Variants in KIF14 observed in about 807,000 individuals in gnomAD.
The protein encoded by KIF14 is kinesin-like protein KIF14.
In KIF14, 98 loss-of-function variants were observed where a neutral mutation model predicts 176.2. The observed-to-expected ratio is 0.56, with a 90% CI of 0.47 to 0.66. The LOEUF (loss-of-function observed/expected upper bound fraction) is 0.66. Among genes scored for constraint, KIF14 ranks in the 30% least tolerant of loss-of-function variants. The probability of loss-of-function intolerance (pLI) is 0.00; values close to 1 mark genes in which losing one functional copy is unlikely to be tolerated. For missense variants in KIF14, 1,751 were observed against 1,920.4 expected (o/e 0.91, Z 1.65); for synonymous variants, 566 against 632.2 (o/e 0.90, Z 1.57).
chr1:200,604,909 T>G (rs899975652), intron 8 of KIF14, among the ~76,000 whole-genome samples: 1 of 152,128 alleles, frequency 6.6e-6, no homozygotes, highest in African/African-American at 2.4e-5. Context: ...CTATCATATA[T>G]TGATATGATC....
At chr1:200,606,830 G>C (rs1279575710) in intron 5 of KIF14, 32 bp from the exon 6 acceptor site, 3 of 1,526,882 alleles carry the variant, frequency 2.0e-6, no homozygotes, top group Admixed American at 1.7e-5. Context: ...ATCATTAGGA[G>C]TATGACAAAT....
intron 26 of KIF14, among the ~76,000 whole-genome samples, chr1:200,560,251 A>T (rs1657061297): frequency 6.8e-6 from 1 of 147,606 alleles, no homozygotes; most frequent in Admixed American, 7.0e-5. Flanking sequence ...CAATATATTT[A>T]AAAGTTTTTT....
Position 200,590,219 on chromosome 1 carries a change from T to A in KIF14, c.2867A>T (p.Gln956Leu), listed in dbSNP as rs757399966. The change falls in exon 17 of 30, where the codon CAA (glutamine) becomes CTA (leucine). Residue 956 changes from glutamine to leucine, a missense_variant. Transcript: ENST00000367350. ...CATTTCTTTTGCAATCTGGATTCCT[T>A]GCATCATTTCTTCCTTTGCCTTCAA... ...AQLKAKEEMM[Q>L]GIQIAKEMAQ... 2 of 1,613,988 alleles carry A rather than the reference T, an allele frequency of 1.2e-6. No individual in the cohort carries two copies. Among genetic ancestry groups the A allele is most frequent in the South Asian group, 2.2e-5 (2 of 91,078 alleles).
intron 16 of KIF14, among the ~76,000 whole-genome samples, chr1:200,591,871 T>C (rs1659071100): frequency 6.6e-6 from 1 of 152,204 alleles, no homozygotes; most frequent in Non-Finnish European, 1.5e-5. Context: ...CAATCCTTAT[T>C]CTTTATATCT....
chr1:200,615,419 C>T lies in KIF14; in HGVS notation c.1303G>A (p.Ala435Thr). The change falls in exon 3 of 30, where the codon GCC (alanine) becomes ACC (threonine). Residue 435 changes from alanine to threonine, a missense_variant. By Grantham distance (58) the Ala-to-Thr change is moderately conservative. Coordinates refer to ENST00000367350, the MANE Select transcript of KIF14 (RefSeq NM_014875.3). The stretch of plus-strand genomic sequence containing the variant: ...AGACAGGTATTGAAGCCTTCGAAGG[C>T]TCTTTCTAGGAGTGGTGCTGCTAGC... Reference protein sequence around the residue: ...EKLAAPLLERAFEGFNTCLFA... With the variant: ...EKLAAPLLERTFEGFNTCLFA... 2 of 1,614,130 alleles carry T rather than the reference C, an allele frequency of 1.2e-6. No individual in the cohort carries two copies. The highest frequency in any genetic ancestry group is 1.7e-6 in the Non-Finnish European group (2 of 1,179,974).
chr1:200,574,861 C>A (rs982032690), intron 22 of KIF14, among the ~76,000 whole-genome samples: 17 of 151,266 alleles, frequency 1.1e-4, no homozygotes, highest in African/African-American at 3.6e-4. Context: ...GGAGTTCATA[C>A]TAGCTTTACT....
intron 15 of KIF14, among the ~76,000 whole-genome samples, chr1:200,592,461 G>A (rs557181064): frequency 2.0e-5 from 3 of 151,854 alleles, no homozygotes; most frequent in East Asian, 3.9e-4. Flanking sequence ...CTGCAACCTC[G>A]GCCTCACGGG....
In KIF14 at chr1:200,552,899, T is replaced by C. The variant is rs1386228043; in HGVS notation, c.*489A>G. 6 of 135,812 alleles carry C rather than the reference T, an allele frequency of 4.4e-5. No individual in the cohort carries two copies. In the East Asian group the frequency reaches 1.4e-3, roughly 32 times the overall value. The allele number at this position is 135,812 out of a possible 1,614,324, so 8.4% of individuals were successfully genotyped here. A position where few individuals can be genotyped will look rare whatever the true frequency, so the allele number is the denominator to read the frequency against. The stretch of plus-strand genomic sequence containing the variant: ...GACAGTATACCAATGTTAAACACTT[T>C]AAAGATAAAAATATATTTTATTTAT... On this transcript the variant is annotated 3_prime_UTR_variant, in exon 30 of 30. Transcript: ENST00000367350.
intron 21 of KIF14, among the ~76,000 whole-genome samples, chr1:200,578,671 C>A (rs1223370983): frequency 6.6e-6 from 1 of 150,550 alleles, no homozygotes; most frequent in Non-Finnish European, 1.5e-5. Context: ...ATTAAAAATG[C>A]CTGTATAACA....
intron 20 of KIF14, among the ~76,000 whole-genome samples, chr1:200,580,592 A>C (rs990312394): frequency 6.6e-6 from 1 of 152,078 alleles, no homozygotes; most frequent in Non-Finnish European, 1.5e-5. Context: ...ATTTCTAATA[A>C]GGTATGTTCC....
chr1:200,572,843 T>G (rs2102620742), intron 22 of KIF14, among the ~76,000 whole-genome samples: 1 of 152,288 alleles, frequency 6.6e-6, no homozygotes, highest in South Asian at 2.1e-4. Context: ...GGCTTAAATA[T>G]CTCAAGCTCT....
intron 22 of KIF14, among the ~76,000 whole-genome samples, chr1:200,571,181 G>A (rs1262290050): frequency 6.6e-6 from 1 of 152,124 alleles, no homozygotes; most frequent in South Asian, 2.1e-4. Flanking sequence ...CGGGCGTGGT[G>A]GCAGCTGTCT....
At chr1:200,588,475 G>A (rs888356024) in intron 18 of KIF14, among the ~76,000 whole-genome samples, 1 of 151,992 alleles carries the variant, frequency 6.6e-6, no homozygotes, top group African/African-American at 2.4e-5. Flanking sequence ...TCTTAACGTC[G>A]TAATCCACCC....
At chr1:200,609,063 C>G in intron 4 of KIF14, 135 bp from the exon 5 acceptor site, 1 of 480,210 alleles carries the variant, frequency 2.1e-6, no homozygotes, top group Non-Finnish European at 3.7e-6. Flanking sequence ...ACAAACAGCC[C>G]AATTTTAAAA....
In KIF14 at chr1:200,617,790, G is replaced by A; in HGVS notation, c.934C>T (p.Gln312Ter). 6.2e-7 allele frequency: 1 copy of A among 1,614,136 alleles called. No homozygotes were observed. Among genetic ancestry groups the A allele is most frequent in the Non-Finnish European group, 8.5e-7 (1 of 1,180,014 alleles). Residue 312 changes from glutamine to a stop codon, truncating the protein, a stop_gained, in exon 2 of 30, where the codon CAA (glutamine) becomes TAA (stop). Coordinates refer to ENST00000367350, the MANE Select transcript of KIF14 (RefSeq NM_014875.3). LOFTEE classifies it high-confidence loss of function. Reference sequence around the variant, plus strand: ...GAACTTTTTGGTCTTTGTTTAACTTGAAGGTTAGACATTCTATTCTTCAGT... The same window carrying A: ...GAACTTTTTGGTCTTTGTTTAACTTAAAGGTTAGACATTCTATTCTTCAGT... The part of the protein sequence containing the change: ...SILKNRMSNL[Q>*]VKQRPKSSFL...
chr1:200,607,064 C>T (rs1659917634), intron 5 of KIF14, among the ~76,000 whole-genome samples: 1 of 151,034 alleles, frequency 6.6e-6, no homozygotes, highest in Non-Finnish European at 1.5e-5. Context: ...TCTTAAAAAA[C>T]TGCTATTAGA....
intron 4 of KIF14, among the ~76,000 whole-genome samples, chr1:200,613,816 G>A (rs756485658): frequency 1.3e-5 from 2 of 152,170 alleles, no homozygotes; most frequent in Non-Finnish European, 2.9e-5. Context: ...AGAATGCTCA[G>A]TAAAAGGTAG....
chr1:200,581,233 G>A lies in KIF14; in HGVS notation c.3303C>T (p.Ser1101=). 1 of 1,603,776 alleles carries A rather than the reference G, an allele frequency of 6.2e-7. No individual in the cohort carries two copies. Among genetic ancestry groups the A allele is most frequent in the African/African-American group, 1.4e-5 (1 of 73,976 alleles). Residue 1101 remains serine, a synonymous_variant, in exon 20 of 30, where the codon AGC becomes AGT. Transcript: ENST00000367350. ...SMMIQEANAI[S]SKLKTYYVFG... is the part of the protein sequence containing the mutation. ...AAACATAGTATGTTTTCAATTTGCT[G>A]CTGATAGCATTGGCTTCCTGAATCA...
At chr1:200,585,979 TCAA>T (rs1236526256) in intron 19 of KIF14, 119 bp downstream of exon 19, 2 of 628,822 alleles carry the variant, frequency 3.2e-6, no homozygotes, top group Admixed American at 3.8e-5. Context: ...TCCAGAAAAG[TCAA>T]CAACTAGAAT....
Sources: allele counts gnomAD v4.1 joint callset (sites outside exome capture counted in the v4.1 genomes callset), GRCh38; gene constraint gnomAD v4.1.1; transcripts MANE v1.5; gene names NCBI Gene and HGNC (gene_info 2026-07-23, HGNC 2026-07-21).